Variants in SECISBP2 observed in about 807,000 individuals in gnomAD.
SECISBP2 encodes selenocysteine insertion sequence-binding protein 2.
SECISBP2 carries 96 observed loss-of-function variants against 98.2 expected under a neutral mutation model. That is an observed-to-expected ratio of 0.98 (90% CI 0.83 to 1.16). The LOEUF is 1.16. SECISBP2 is among the 50% of genes most tolerant of loss of function. The probability of loss-of-function intolerance (pLI) is 0.00; values close to 1 mark genes in which losing one functional copy is unlikely to be tolerated. For missense variants in SECISBP2, 1,046 were observed against 1,022.9 expected, an observed-to-expected ratio of 1.02 and a Z score of -0.31; for synonymous variants, 407 against 370.2, an observed-to-expected ratio of 1.10 and a Z score of -1.14.
intron 7 of SECISBP2, among the ~76,000 whole-genome samples, chr9:89,335,614 A>T (rs1291537157): frequency 6.6e-6 from 1 of 152,140 alleles, no homozygotes; most frequent in Non-Finnish European, 1.5e-5. Context: ...TACTGGCGTG[A>T]GCCACCGTGC....
chr9:89,337,102 GC>G (rs1167652850), intron 7 of SECISBP2, among the ~76,000 whole-genome samples: 2 of 152,120 alleles, frequency 1.3e-5, no homozygotes, highest in African/African-American at 4.8e-5. Context: ...TGTTGCAGCT[GC>G]CAAGTCACTC....
chr9:89,333,252 A>G (rs1828052167), intron 6 of SECISBP2, among the ~76,000 whole-genome samples: 1 of 152,194 alleles, frequency 6.6e-6, no homozygotes, highest in African/African-American at 2.4e-5. Context: ...AGCAGTAACT[A>G]CTTCCTTTAG....
In SECISBP2 at chr9:89,318,571, C is replaced by G; in HGVS notation, c.-6C>G. 1 of 1,500,664 alleles carries G rather than the reference C, an allele frequency of 6.7e-7. No homozygotes were observed. The highest frequency in any genetic ancestry group is 8.8e-7 in the Non-Finnish European group (1 of 1,130,856). The allele number at this position is 1,500,664 out of a possible 1,614,324, so 93.0% of individuals were successfully genotyped here. ...CCGTGACGCGGCCTCCTCCGCGCCT[C>G]GCGGCATGGCGTCGGAGGGGCCGCG... On this transcript the variant is annotated 5_prime_UTR_variant, in exon 1 of 17. Transcript: ENST00000375807.
At chr9:89,341,646 A>C (rs1487172412) in intron 10 of SECISBP2, among the ~76,000 whole-genome samples, 167 bp downstream of exon 10, 3 of 152,274 alleles carry the variant, frequency 2.0e-5, no homozygotes, top group African/African-American at 7.2e-5. Context: ...TCCAGAAATA[A>C]ATTCATGGAT....
At chr9:89,336,197 A>G (rs2131752616) in intron 7 of SECISBP2, among the ~76,000 whole-genome samples, 1 of 144,802 alleles carries the variant, frequency 6.9e-6, no homozygotes, top group African/African-American at 2.6e-5. Context: ...CACCACATCC[A>G]ACTAGTATTT....
Position 89,359,165 on chromosome 9 carries a change from C to G in SECISBP2, c.*341C>G. On this transcript the variant is annotated 3_prime_UTR_variant, in exon 17 of 17. Transcript: ENST00000375807. ...TCCTCTCCATTGCAGAATAGCTGAG[C>G]CAAGTGAGTGAGTTTGCAGAAAGCA... is the stretch of plus-strand genomic sequence containing the variant. 2.9e-6 allele frequency: 1 copy of G among 344,022 alleles called. No homozygotes were observed. Among genetic ancestry groups the G allele is most frequent in the Non-Finnish European group, 5.6e-6 (1 of 178,682 alleles). The allele number at this position is 344,022 out of a possible 1,614,324, so 21.3% of individuals were successfully genotyped here. A position where few individuals can be genotyped will look rare whatever the true frequency, so the allele number is the denominator to read the frequency against.
At chr9:89,339,730 G>C in intron 8 of SECISBP2, 134 bp from the exon 9 acceptor site, 1 of 696,246 alleles carries the variant, frequency 1.4e-6, no homozygotes, top group Non-Finnish European at 2.6e-6. Flanking sequence ...GCTCTTATGT[G>C]AGAGTTTCGC....
Position 89,341,344 on chromosome 9 carries a change from C to T in SECISBP2, c.1303-3C>T, listed in dbSNP as rs747330653. The T allele has an allele frequency of 6.2e-7, 1 of 1,613,108 alleles. No individual in the cohort carries two copies. Among genetic ancestry groups the T allele is most frequent in the Non-Finnish European group, 8.5e-7 (1 of 1,179,328 alleles). Reference sequence around the variant, plus strand: ...AGTAAACTTACGAATTTTGAACTTTCAGGATAATTTTAAAAATAATGTAAA... The same window carrying T: ...AGTAAACTTACGAATTTTGAACTTTTAGGATAATTTTAAAAATAATGTAAA... On this transcript the variant is annotated splice_region_variant and splice_polypyrimidine_tract_variant and intron_variant, in intron 9 of 16. Coordinates refer to ENST00000375807, the MANE Select transcript of SECISBP2 (RefSeq NM_024077.5).
rs769590854 is a variant in SECISBP2 at position 89,357,441 on chromosome 9, T to C, written c.2144T>C (p.Ile715Thr). 1.5e-5 allele frequency: 24 copies of C among 1,614,088 alleles called. No individual in the cohort carries two copies. Among genetic ancestry groups the C allele is most frequent in the Admixed American group, 6.7e-5 (4 of 60,010 alleles). Residue 715 changes from isoleucine (I) to threonine (T), a missense_variant, in exon 15 of 17, where the codon ATT (isoleucine) becomes ACT (threonine). Ile to Thr is a moderately conservative substitution (Grantham distance 89). Transcript: ENST00000375807. Reference protein sequence around the residue: ...GGLDDTLHTIIDYACEQNIPF... With the variant: ...GGLDDTLHTITDYACEQNIPF... ...CTGGATGACACTTTGCACACAATTA[T>C]TGATTATGCCTGTGAGCAGAACATT... is the stretch of plus-strand genomic sequence containing the variant.
chr9:89,363,990 AG>A (rs1554730108), downstream of SECISBP2: 35 of 1,613,858 alleles, frequency 2.2e-5, no homozygotes, highest in Non-Finnish European at 3.0e-5. Context: ...GTCCACATTT[AG>A]GACCCAAAGA....
chr9:89,354,132 C>T (rs1349743064), intron 14 of SECISBP2, among the ~76,000 whole-genome samples: 1 of 152,232 alleles, frequency 6.6e-6, no homozygotes, highest in Non-Finnish European at 1.5e-5. Context: ...TGTGGAACTT[C>T]AGTAGTTGGC....
rs1405873609 is a variant in SECISBP2, at chr9:89,358,753, A to G, written c.2494A>G (p.Ser832Gly). The G allele has an allele frequency of 1.2e-6, 2 of 1,613,902 alleles. No homozygotes were observed. The highest frequency in any genetic ancestry group is 1.6e-4 in the Middle Eastern group (1 of 6,062). The change falls in exon 17 of 17, where the codon AGT (serine) becomes GGT (glycine). Residue 832 changes from serine to glycine, a missense_variant. By Grantham distance (56) the Ser-to-Gly change is moderately conservative. Transcript: ENST00000375807. Reference protein sequence around the residue: ...EIWKKHLEAYSGCTLELEESL... With the variant: ...EIWKKHLEAYGGCTLELEESL... ...CTGGAAAAAACATCTGGAAGCATAC[A>G]GTGGATGTACCCTGGAGCTAGAAGA...
chr9:89,325,403 C>G (rs1826515580), intron 2 of SECISBP2, 24 bp from the exon 3 acceptor site: 1 of 1,611,894 alleles, frequency 6.2e-7, no homozygotes, highest in Non-Finnish European at 8.5e-7. Flanking sequence ...AAATCTGCAA[C>G]TAAAGTTTAC....
intron 5 of SECISBP2, 152 bp downstream of exon 5, chr9:89,329,038 G>A: frequency 1.5e-6 from 1 of 652,120 alleles, no homozygotes; most frequent in Non-Finnish European, 2.7e-6. Flanking sequence ...GCACTTATAT[G>A]ACCTTCTTTG....
chr9:89,341,305 T>C, intron 9 of SECISBP2, 42 bp from the exon 10 acceptor site: 1 of 1,571,302 alleles, frequency 6.4e-7, no homozygotes, highest in East Asian at 2.2e-5. Flanking sequence ...AAGCACAGTT[T>C]GTATAGTTTT....
chr9:89,333,827 T>C (rs994004815), intron 6 of SECISBP2, among the ~76,000 whole-genome samples: 2 of 152,222 alleles, frequency 1.3e-5, no homozygotes, highest in African/African-American at 4.8e-5. Context: ...AATTTATTCA[T>C]AGGGTGTTTT....
intron 4 of SECISBP2, among the ~76,000 whole-genome samples, chr9:89,328,270 C>T (rs1827120865): frequency 6.6e-6 from 1 of 152,212 alleles, no homozygotes; most frequent in Non-Finnish European, 1.5e-5. Context: ...TTTACACTGG[C>T]ATCACCACAA....
chr9:89,338,522 AAG>A lies in SECISBP2; in HGVS notation c.1156_1157del (p.Glu386LysfsTer7). 7.4e-6 allele frequency: 12 copies of A among 1,613,400 alleles called. No individual in the cohort carries two copies. Among genetic ancestry groups the A allele is most frequent in the Non-Finnish European group, 1.0e-5 (12 of 1,179,796 alleles). ...GCCTCAAGAAAGAATAAGAAAAAGAAAGAAAAATCTACATCAAAATATGAAGT... is the reference window on the plus strand; with the variant it reads ...GCCTCAAGAAAGAATAAGAAAAAGAAAAAAATCTACATCAAAATATGAAGT... On this transcript the variant is annotated frameshift_variant, in exon 8 of 17. Coordinates refer to ENST00000375807, the MANE Select transcript of SECISBP2 (RefSeq NM_024077.5). LOFTEE classifies it high-confidence loss of function.
At chr9:89,347,073 T>G in intron 11 of SECISBP2, 25 bp downstream of exon 11, 1 of 1,610,996 alleles carries the variant, frequency 6.2e-7, no homozygotes, top group Non-Finnish European at 8.5e-7. Context: ...TCAGCCGAAG[T>G]GAGGCACTAG....
Sources: allele counts gnomAD v4.1 joint callset (sites outside exome capture counted in the v4.1 genomes callset), GRCh38; gene constraint gnomAD v4.1.1; transcripts MANE v1.5; gene names NCBI Gene and HGNC (gene_info 2026-07-23, HGNC 2026-07-21).